The following FADS3 variants were observed in gnomAD, a reference collection of about 807,000 sequenced individuals.
FADS3 encodes cytochrome b5-related protein.
Under a neutral mutation model 60.4 loss-of-function variants are expected in FADS3, and 30 were observed. That is an observed-to-expected ratio of 0.50 (90% confidence interval 0.37 to 0.67). The LOEUF (loss-of-function observed/expected upper bound fraction) is 0.67. Ranked by LOEUF, FADS3 falls within the 30% of genes least tolerant of loss-of-function variation. The probability of loss-of-function intolerance (pLI) is 0.00; values close to 1 mark genes in which losing one functional copy is unlikely to be tolerated. For synonymous variants in FADS3, 234 were observed against 249.3 expected, an observed-to-expected ratio of 0.94 and a Z score of 0.58; for missense variants, 432 against 598.3, an observed-to-expected ratio of 0.72 and a Z score of 2.90.
At chr11:61,890,481 G>T (rs190856013) in intron 1 of FADS3, 5 of 152,454 alleles carry the variant, frequency 3.3e-5, no homozygotes, top group Non-Finnish European at 5.9e-5. Flanking sequence ...AGGAAAAGGG[G>T]CTGGTCGGGC....
In FADS3 at chr11:61,875,915, AC is replaced by A; in HGVS notation, c.1221del (p.Cys408ValfsTer10). ...YSRVAPLVKS[L>X]CAKHGLSYEV... is the part of the protein sequence containing the mutation. ...TCGTAGCTGAGGCCGTGCTTGGCAC[AC>A]AGCGACTTGACCAGCGGGGCCACCC... On this transcript the variant is annotated frameshift_variant, in exon 11 of 12. Transcript: ENST00000278829. LOFTEE classifies it high-confidence loss of function. 1 of 1,613,872 alleles carries A rather than the reference AC, an allele frequency of 6.2e-7. No individual in the cohort carries two copies. The highest frequency in any genetic ancestry group is 8.5e-7 in the Non-Finnish European group (1 of 1,180,046).
rs773774494 is a variant in FADS3, at chr11:61,890,890, G to A, written c.213+279C>T. Reference sequence around the variant, plus strand: ...GAGCAACAGGGCAGCCCCTCACCCAGGGCAGGCTCTGCAGCATGACACACC... The same window carrying A: ...GAGCAACAGGGCAGCCCCTCACCCAAGGCAGGCTCTGCAGCATGACACACC... On this transcript the variant is annotated intron_variant, in intron 1 of 11. Coordinates refer to ENST00000278829, the MANE Select transcript of FADS3 (RefSeq NM_021727.5). Among the ~76,000 whole-genome samples the A allele has an allele frequency of 2.6e-5, 4 of 152,196 alleles. No individual in the cohort carries two copies. In the South Asian group the frequency reaches 6.2e-4, roughly 24 times the overall value.
chr11:61,886,798 T>C (rs541448337), intron 1 of FADS3, among the ~76,000 whole-genome samples: 1 of 152,216 alleles, frequency 6.6e-6, no homozygotes. Flanking sequence ...CTCAGAACAG[T>C]GCCTAGTCAA....
Position 61,877,571 on chromosome 11 carries a change from G to A in FADS3, c.825C>T (p.Leu275=), listed in dbSNP as rs1395921484. 1 of 1,613,782 alleles carries A rather than the reference G, an allele frequency of 6.2e-7. No homozygotes were observed. The change falls in exon 7 of 12, where the codon CTC becomes CTT. Residue 275 remains leucine, a synonymous_variant. Coordinates refer to ENST00000278829, the MANE Select transcript of FADS3 (RefSeq NM_021727.5). This position sits in a 1 kb window ranked among gnomAD's most constrained non-coding sequence, Gnocchi z 4.7. ...LYFFLIGPPL[L]TLVNFEVENL... ...TTTCCACTTCAAAGTTCACCAGGGT[G>A]AGCAGCGGCGGGCCGACTGCAAGAA...
chr11:61,891,108 C>T, intron 1 of FADS3, 61 bp downstream of exon 1: 3 of 1,395,648 alleles, frequency 2.1e-6, no homozygotes, highest in African/African-American at 1.4e-5. Flanking sequence ...CGGGACATCA[C>T]GCCCACGACC....
Position 61,875,932 on chromosome 11 carries a change from G to C in FADS3, c.1205C>G (p.Pro402Arg). 1 of 1,613,796 alleles carries C rather than the reference G, an allele frequency of 6.2e-7. No homozygotes were observed. The highest frequency in any genetic ancestry group is 8.5e-7 in the Non-Finnish European group (1 of 1,180,030). ...CTTGGCACACAGCGACTTGACCAGCGGGGCCACCCGGCTGTAGTTGTGTCT... is the reference window on the plus strand; with the variant it reads ...CTTGGCACACAGCGACTTGACCAGCCGGGCCACCCGGCTGTAGTTGTGTCT... ...MPRHNYSRVA[P>R]LVKSLCAKHG... The change falls in exon 11 of 12, where the codon CCG becomes CGG. Residue 402 changes from proline to arginine, a missense_variant. Physicochemically the swap from Pro to Arg is moderately radical, Grantham distance 103 (BLOSUM62 -2). Coordinates refer to ENST00000278829, the MANE Select transcript of FADS3 (RefSeq NM_021727.5).
intron 11 of FADS3, 126 bp downstream of exon 11, chr11:61,875,725 A>G: frequency 8.7e-7 from 1 of 1,145,220 alleles, no homozygotes; most frequent in Non-Finnish European, 1.2e-6. Flanking sequence ...GGAAGGGAGG[A>G]AGGGCATGGG....
intron 11 of FADS3, 148 bp downstream of exon 11, chr11:61,875,703 C>T (rs938854227): frequency 8.7e-5 from 82 of 942,844 alleles, no homozygotes; most frequent in Non-Finnish European, 1.1e-4. Flanking sequence ...TCACTGTGTG[C>T]GTGAAGGCTG....
intron 1 of FADS3, among the ~76,000 whole-genome samples, chr11:61,888,473 C>G (rs1340493688): frequency 6.6e-6 from 1 of 152,378 alleles, no homozygotes; most frequent in African/African-American, 2.4e-5. Context: ...AGCAACCTCA[C>G]AGTCCCTTTG....
intron 3 of FADS3, 23 bp downstream of exon 3, chr11:61,879,289 C>T: frequency 6.5e-7 from 1 of 1,549,336 alleles, no homozygotes; most frequent in Non-Finnish European, 8.7e-7. Flanking sequence ...GTTAAGGTGG[C>T]TGCAACACAG....
intron 11 of FADS3, among the ~76,000 whole-genome samples, chr11:61,874,179 G>A (rs1474450283): frequency 6.6e-6 from 1 of 152,244 alleles, no homozygotes; most frequent in Non-Finnish European, 1.5e-5. Context: ...GCCTCCTGCT[G>A]GGCGCTGCAA....
upstream of FADS3, among the ~76,000 whole-genome samples, chr11:61,891,693 T>C (rs1268064759): frequency 2.0e-5 from 3 of 151,062 alleles, no homozygotes; most frequent in Admixed American, 6.6e-5. Flanking sequence ...TCGGTCTCCA[T>C]TGGCCGCCAG....
chr11:61,891,798 C>CT (rs1938531176), upstream of FADS3: 2 of 152,296 alleles, frequency 1.3e-5, no homozygotes, highest in African/African-American at 4.8e-5. Context: ...TTTTCCCGGG[C>CT]TGCCGGCTTC....
chr11:61,874,083 G>C (rs1008235457), intron 11 of FADS3, among the ~76,000 whole-genome samples: 25 of 152,218 alleles, frequency 1.6e-4, no homozygotes, highest in Admixed American at 5.9e-4. Context: ...ACGGGTGTCG[G>C]GTAGGGGAGC....
intron 1 of FADS3, among the ~76,000 whole-genome samples, chr11:61,889,561 C>T (rs904370398): frequency 2.6e-5 from 4 of 151,822 alleles, no homozygotes; most frequent in Admixed American, 2.6e-4. Flanking sequence ...GCAGGAGAAT[C>T]GCTTGAACCT....
Position 61,877,040 on chromosome 11 carries a change from G to T in FADS3, c.886-77C>A. ...CTGGAGGCCTGGTGGGTGGGAGGAG[G>T]ACCTCAGGCATCCAACCCTTCTGCC... is the stretch of plus-strand genomic sequence containing the variant. On this transcript the variant is annotated intron_variant, in intron 7 of 11. Coordinates refer to ENST00000278829, the MANE Select transcript of FADS3 (RefSeq NM_021727.5). The surrounding 1 kb of genome is among the most constrained non-coding windows in gnomAD (Gnocchi z 4.7). The T allele has an allele frequency of 9.8e-7, 1 of 1,024,158 alleles. No homozygotes were observed. The highest frequency in any genetic ancestry group is 1.6e-5 in the South Asian group (1 of 62,122). 63.4% of individuals were successfully genotyped at this position (1,024,158 alleles called of 1,614,324 possible).
intron 1 of FADS3, among the ~76,000 whole-genome samples, chr11:61,883,605 C>T (rs1326722258): frequency 6.6e-6 from 1 of 152,206 alleles, no homozygotes; most frequent in Non-Finnish European, 1.5e-5. Flanking sequence ...ACAGACACAC[C>T]CGGCGCAACG....
intron 2 of FADS3, among the ~76,000 whole-genome samples, chr11:61,879,804 G>A (rs1938058439): frequency 6.6e-6 from 1 of 152,190 alleles, no homozygotes; most frequent in Admixed American, 6.5e-5. Flanking sequence ...AGCTTGCCTC[G>A]GGATCCAAAC....
At chr11:61,889,355 A>T (rs1938416759) in intron 1 of FADS3, among the ~76,000 whole-genome samples, 1 of 151,940 alleles carries the variant, frequency 6.6e-6, no homozygotes, top group African/African-American at 2.4e-5. Context: ...ATGAAATAAA[A>T]GCTTTCTGTA....
Sources: gnomAD v4.1 joint callset for allele counts (sites outside exome capture counted in the v4.1 genomes callset) on GRCh38, gnomAD v4.1.1 for gene constraint, Gnocchi (gnomAD v3.1) non-coding constraint, MANE v1.5 for transcripts, NCBI Gene and HGNC (gene_info 2026-07-23, HGNC 2026-07-21) for gene names.